Variants in GABARAPL2 observed in about 807,000 individuals in gnomAD.
The protein encoded by GABARAPL2 is gamma-aminobutyric acid receptor-associated protein-like 2.
A neutral mutation model predicts 16.9 loss-of-function variants in GABARAPL2; 11 were observed. The ratio of observed to expected loss-of-function variants is 0.65; its 90% CI spans 0.41 to 1.08. GABARAPL2 has a LOEUF of 1.08. Ranked by LOEUF, GABARAPL2 falls within the 50% of genes least tolerant of loss-of-function variation. The probability of loss-of-function intolerance (pLI) is 0.00; values close to 1 mark genes in which losing one functional copy is unlikely to be tolerated. For synonymous variants in GABARAPL2, 57 were observed against 50.7 expected, an observed-to-expected ratio of 1.12 and a Z score of -0.53; for missense variants, 134 against 142.5, an observed-to-expected ratio of 0.94 and a Z score of 0.30.
chr16:75,568,033 C>G lies in GABARAPL2; in HGVS notation c.91-4C>G. 1 of 1,597,430 alleles carries G rather than the reference C, an allele frequency of 6.3e-7. No individual in the cohort carries two copies. Reference sequence around the variant, plus strand: ...ACAGTCCTGACCTCTCTTTACTTTCCCAGGTGATTGTGGAAAAGGTCTCAG... The same window carrying G: ...ACAGTCCTGACCTCTCTTTACTTTCGCAGGTGATTGTGGAAAAGGTCTCAG... On this transcript the variant is annotated splice_region_variant and splice_polypyrimidine_tract_variant and intron_variant, in intron 2 of 3. Coordinates refer to ENST00000037243, the MANE Select transcript of GABARAPL2 (RefSeq NM_007285.7).
At chr16:75,568,445 T>G (rs2080896648) in intron 3 of GABARAPL2, 1 of 371,114 alleles carries the variant, frequency 2.7e-6, no homozygotes. Flanking sequence ...AAACTCAGCC[T>G]AAGATCTCCA....
chr16:75,566,519 G>C lies in GABARAPL2; in HGVS notation c.33G>C (p.Leu11=). 1.2e-6 allele frequency: 2 copies of C among 1,608,614 alleles called. No individual in the cohort carries two copies. The highest frequency in any genetic ancestry group is 1.7e-6 in the Non-Finnish European group (2 of 1,178,188). ...GGATGTTCAAGGAGGACCACTCGCT[G>C]GGTAAGCACTTGGTCGTCGGCCCGG... The part of the protein sequence containing the change: MKWMFKEDHS[L]EHRCVESAKI... Residue 11 remains leucine, a splice_region_variant and synonymous_variant, in exon 1 of 4, where the codon CTG becomes CTC. Transcript: ENST00000037243.
intron 3 of GABARAPL2, among the ~76,000 whole-genome samples, chr16:75,571,143 A>C (rs1055822362): frequency 6.6e-6 from 1 of 152,202 alleles, no homozygotes; most frequent in South Asian, 2.1e-4. Flanking sequence ...GCAGTGGCAC[A>C]GTCATAGCTC....
intron 3 of GABARAPL2, among the ~76,000 whole-genome samples, chr16:75,575,426 G>A (rs1008228472): frequency 2.0e-5 from 3 of 152,002 alleles, no homozygotes; most frequent in African/African-American, 7.2e-5. Flanking sequence ...TTCCCGAGTA[G>A]CTGGGATGAC....
chr16:75,574,447 A>G (rs1315698573), intron 3 of GABARAPL2, among the ~76,000 whole-genome samples: 1 of 152,164 alleles, frequency 6.6e-6, no homozygotes, highest in Non-Finnish European at 1.5e-5. Context: ...TGTCATCAAG[A>G]TCACCCTGGA....
chr16:75,568,013 C>G, intron 2 of GABARAPL2, 24 bp from the exon 3 acceptor site: 2 of 1,583,314 alleles, frequency 1.3e-6, no homozygotes, highest in Non-Finnish European at 1.7e-6. Flanking sequence ...GAAACACAGT[C>G]CTGACCTCTC....
intron 3 of GABARAPL2, among the ~76,000 whole-genome samples, chr16:75,569,707 A>G (rs2080904005): frequency 6.6e-6 from 1 of 152,160 alleles, no homozygotes; most frequent in Non-Finnish European, 1.5e-5. Context: ...GCTTCTGGAG[A>G]CCTTAAGATT....
chr16:75,577,442 T>C lies in GABARAPL2; in HGVS notation c.*73T>C, dbSNP rs1169495799. On this transcript the variant is annotated 3_prime_UTR_variant, in exon 4 of 4. Transcript: ENST00000037243. ...AATAGCCAGCCATTTTCAGTTATTA[T>C]ACCAGAACCTCTTCACATAGACCTA... The C allele has an allele frequency of 2.6e-5, 22 of 857,270 alleles. No individual in the cohort carries two copies. The East Asian group carries it at 4.1e-4, about 16-fold the overall frequency. 53.1% of individuals were successfully genotyped at this position (857,270 alleles called of 1,614,324 possible). A position where few individuals can be genotyped will look rare whatever the true frequency, so the allele number is the denominator to read the frequency against.
At chr16:75,568,297 T>A in intron 3 of GABARAPL2, 88 bp downstream of exon 3, 1 of 877,480 alleles carries the variant, frequency 1.1e-6, no homozygotes, top group Non-Finnish European at 1.8e-6. Context: ...GTCTGAAAAC[T>A]CTTAGGGGTC....
intron 2 of GABARAPL2, among the ~76,000 whole-genome samples, chr16:75,567,130 G>A (rs1041965677): frequency 6.6e-6 from 1 of 152,238 alleles, no homozygotes; most frequent in Non-Finnish European, 1.5e-5. Context: ...AGGCCAGCGA[G>A]CCGTCTGCAG....
intron 2 of GABARAPL2, among the ~76,000 whole-genome samples, chr16:75,567,118 C>T (rs1287529322): frequency 2.0e-5 from 3 of 152,222 alleles, no homozygotes; most frequent in African/African-American, 7.2e-5. Flanking sequence ...ATCTCCCGAT[C>T]TAGGCCAGCG....
chr16:75,571,520 C>T (rs1260850391), intron 3 of GABARAPL2, among the ~76,000 whole-genome samples: 2 of 152,180 alleles, frequency 1.3e-5, no homozygotes, highest in Non-Finnish European at 2.9e-5. Flanking sequence ...TAACCCAAGT[C>T]AGGATTTTAG....
chr16:75,570,853 C>T (rs1043126389), intron 3 of GABARAPL2, among the ~76,000 whole-genome samples: 1 of 152,160 alleles, frequency 6.6e-6, no homozygotes, highest in African/African-American at 2.4e-5. Flanking sequence ...GTGCCAGCAT[C>T]AAGAATCAGG....
At position 75,577,257 on chromosome 16, in the gene GABARAPL2, G is replaced by A. The variant is rs771785865; in HGVS notation, c.264-22G>A. 32 of 1,497,922 alleles carry A rather than the reference G, an allele frequency of 2.1e-5. No homozygotes were observed. The East Asian group carries it at 6.3e-4, about 30-fold the overall frequency. The allele number at this position is 1,497,922 out of a possible 1,614,324, so 92.8% of individuals were successfully genotyped here. On this transcript the variant is annotated intron_variant, in intron 3 of 3. Coordinates refer to ENST00000037243, the MANE Select transcript of GABARAPL2 (RefSeq NM_007285.7). Reference sequence around the variant, plus strand: ...AACCTGGACTCCAATTTTCAATGACGTTTTTGTTTTTCTCTTTCAAGCCTA... The same window carrying A: ...AACCTGGACTCCAATTTTCAATGACATTTTTGTTTTTCTCTTTCAAGCCTA...
At chr16:75,568,621 C>G (rs900126013) in intron 3 of GABARAPL2, among the ~76,000 whole-genome samples, 1 of 152,214 alleles carries the variant, frequency 6.6e-6, no homozygotes, top group African/African-American at 2.4e-5. Context: ...TTGCTTGCTC[C>G]CAAACTTGGT....
chr16:75,567,934 C>G (rs2151716990), intron 2 of GABARAPL2, 103 bp from the exon 3 acceptor site: 1 of 786,014 alleles, frequency 1.3e-6, no homozygotes, highest in East Asian at 2.5e-5. Context: ...ATGCAGTTCC[C>G]CACCCACCTC....
rs1427071353 is a variant in GABARAPL2 at position 75,577,416 on chromosome 16, A to T, written c.*47A>T. On this transcript the variant is annotated 3_prime_UTR_variant, in exon 4 of 4. Coordinates refer to ENST00000037243, the MANE Select transcript of GABARAPL2 (RefSeq NM_007285.7). ...CACCGTAACTGCTTGTGTATCTTGT[A>T]AATAGCCAGCCATTTTCAGTTATTA... is the stretch of plus-strand genomic sequence containing the variant. 1 of 1,092,802 alleles carries T rather than the reference A, an allele frequency of 9.2e-7. No individual in the cohort carries two copies. The highest frequency in any genetic ancestry group is 1.4e-6 in the Non-Finnish European group (1 of 704,066). 67.7% of individuals were successfully genotyped at this position (1,092,802 alleles called of 1,614,324 possible).
At chr16:75,569,108 G>T (rs1016036909) in intron 3 of GABARAPL2, among the ~76,000 whole-genome samples, 2 of 152,224 alleles carry the variant, frequency 1.3e-5, no homozygotes, top group Admixed American at 6.5e-5. Context: ...CTAGCCCAAT[G>T]TTGTCCAAAT....
Position 75,568,150 on chromosome 16 carries a change from C to T in GABARAPL2, c.204C>T (p.Ile68=). ...AQFMWIIRKR[I]QLPSEKAIFL... is the part of the protein sequence containing the mutation. ...TCATGTGGATCATCAGGAAAAGGAT[C>T]CAGCTTCCTTCTGAAAAGGCGATCT... The change falls in exon 3 of 4, where the codon ATC becomes ATT. Residue 68 remains isoleucine (I), a synonymous_variant. Coordinates refer to ENST00000037243, the MANE Select transcript of GABARAPL2 (RefSeq NM_007285.7). 1.2e-6 allele frequency: 2 copies of T among 1,613,190 alleles called. No individual in the cohort carries two copies. Among genetic ancestry groups the T allele is most frequent in the South Asian group, 2.2e-5 (2 of 91,062 alleles).
Sources: gnomAD v4.1 joint callset for allele counts (sites outside exome capture counted in the v4.1 genomes callset) on GRCh38, gnomAD v4.1.1 for gene constraint, MANE v1.5 for transcripts, NCBI Gene and HGNC (gene_info 2026-07-23, HGNC 2026-07-21) for gene names.